Variants in PDS5B observed in about 807,000 individuals in gnomAD.
The protein encoded by PDS5B is PDS5 cohesin associated factor B, also known as sister chromatid cohesion protein PDS5 homolog B.
PDS5B carries 51 observed loss-of-function variants against 184.1 expected under a neutral mutation model. That is an observed-to-expected ratio of 0.28 (90% CI 0.22 to 0.35). The LOEUF (loss-of-function observed/expected upper bound fraction) is 0.35. Among genes scored for constraint, PDS5B ranks in the 10% least tolerant of loss-of-function variants. The probability of loss-of-function intolerance (pLI) is 1.00; values close to 1 mark genes in which losing one functional copy is unlikely to be tolerated. For synonymous variants in PDS5B, 566 were observed against 569.2 expected, an observed-to-expected ratio of 0.99 and a Z score of 0.08; for missense variants, 1,180 against 1,723.3, an observed-to-expected ratio of 0.68 and a Z score of 5.58.
chr13:32,741,114 C>A lies in PDS5B; in HGVS notation c.2441C>A (p.Pro814Gln). 2 of 1,579,618 alleles carry A rather than the reference C, an allele frequency of 1.3e-6. No individual in the cohort carries two copies. The highest frequency in any genetic ancestry group is 1.7e-6 in the Non-Finnish European group (2 of 1,154,252). ...AAAAAGACAACTAAACTTTGGGTTCCAGATGAAGAAGTATCTCCTGAGACA... is the reference window on the plus strand; with the variant it reads ...AAAAAGACAACTAAACTTTGGGTTCAAGATGAAGAAGTATCTCCTGAGACA... ...PGKKTTKLWV[P>Q]DEEVSPETMV... The change falls in exon 22 of 35, where the codon CCA becomes CAA. Residue 814 changes from proline (P) to glutamine (Q), a missense_variant. Physicochemically the swap from Pro to Gln is moderately conservative, Grantham distance 76. Coordinates refer to ENST00000315596, the MANE Select transcript of PDS5B (RefSeq NM_015032.4).
intron 1 of PDS5B, among the ~76,000 whole-genome samples, chr13:32,639,170 T>C (rs1372913918): frequency 1.3e-5 from 2 of 152,102 alleles, no homozygotes; most frequent in Non-Finnish European, 2.9e-5. Flanking sequence ...GAACACTTTC[T>C]GTGCGGTTAG....
At chr13:32,637,577 T>G (rs901016802) in intron 1 of PDS5B, among the ~76,000 whole-genome samples, 12 of 152,086 alleles carry the variant, frequency 7.9e-5, no homozygotes, top group African/African-American at 2.9e-4. Flanking sequence ...AAAAGAAAGC[T>G]TAGGGCAAAA....
At chr13:32,722,162 C>G (rs1312608645) in intron 19 of PDS5B, among the ~76,000 whole-genome samples, 1 of 152,222 alleles carries the variant, frequency 6.6e-6, no homozygotes, top group Non-Finnish European at 1.5e-5. Context: ...GGAGACCAGC[C>G]CAGCCAACAC....
rs769008060 is a variant in PDS5B, at chr13:32,746,079, G to C, written c.2715G>C (p.Gln905His). 1 of 1,613,428 alleles carries C rather than the reference G, an allele frequency of 6.2e-7. No homozygotes were observed. Among genetic ancestry groups the C allele is most frequent in the African/African-American group, 1.3e-5 (1 of 74,914 alleles). Reference sequence around the variant, plus strand: ...AAATCATCACATTAGAACAATATCAGCTATGTGCATTAGCTATCAACGTAA... The same window carrying C: ...AAATCATCACATTAGAACAATATCACCTATGTGCATTAGCTATCAACGTAA... The part of the protein sequence containing the change: ...YHEIITLEQY[Q>H]LCALAINDEC... The change falls in exon 24 of 35, where the codon CAG becomes CAC. Residue 905 changes from glutamine (Q) to histidine (H), a missense_variant. By Grantham distance (24) the Gln-to-His change is conservative (BLOSUM62 0). This residue lies in a region of PDS5B where 40 missense variants were observed against 107.2 expected (regional missense o/e 0.37). Coordinates refer to ENST00000315596, the MANE Select transcript of PDS5B (RefSeq NM_015032.4).
chr13:32,699,911 T>G, intron 16 of PDS5B, 42 bp downstream of exon 16: 1 of 1,499,106 alleles, frequency 6.7e-7, no homozygotes, highest in South Asian at 1.4e-5. Context: ...AGCCCCCAAA[T>G]CTTCTTTATT....
chr13:32,775,873 CTACT>C lies in PDS5B; in HGVS notation c.*822_*825del. 1 of 290,240 alleles carries C rather than the reference CTACT, an allele frequency of 3.4e-6. No individual in the cohort carries two copies. The highest frequency in any genetic ancestry group is 3.1e-5 in the South Asian group (1 of 31,784). 18.0% of individuals were successfully genotyped at this position (290,240 alleles called of 1,614,324 possible). A position where few individuals can be genotyped will look rare whatever the true frequency, so the allele number is the denominator to read the frequency against. On this transcript the variant is annotated 3_prime_UTR_variant, in exon 35 of 35. Coordinates refer to ENST00000315596, the MANE Select transcript of PDS5B (RefSeq NM_015032.4). Reference sequence around the variant, plus strand: ...TATCATCCTTTCAGTTTTTATTAATCTACTGTATCAATAAAATTCTGTAATTTGA... The same window carrying C: ...TATCATCCTTTCAGTTTTTATTAATCGTATCAATAAAATTCTGTAATTTGA...
intron 1 of PDS5B, among the ~76,000 whole-genome samples, chr13:32,627,582 T>C (rs2058389006): frequency 6.6e-6 from 1 of 152,150 alleles, no homozygotes; most frequent in African/African-American, 2.4e-5. Context: ...TGCAGTTCTT[T>C]CCATTGTGAT....
At chr13:32,763,968 A>G (rs1428602937) in intron 30 of PDS5B, among the ~76,000 whole-genome samples, 1 of 152,198 alleles carries the variant, frequency 6.6e-6, no homozygotes, top group Non-Finnish European at 1.5e-5. Context: ...GGACCTTTAT[A>G]TGAATGCCAA....
intron 26 of PDS5B, among the ~76,000 whole-genome samples, chr13:32,756,325 C>G (rs767461318): frequency 1.5e-4 from 23 of 152,110 alleles, no homozygotes; most frequent in Admixed American, 6.5e-4. Flanking sequence ...ATGTAGTAAG[C>G]ACATTTTTCT....
chr13:32,753,610 TATG>T lies in PDS5B; in HGVS notation c.2941+77_2941+79del, dbSNP rs1194016406. 5 of 912,586 alleles carry T rather than the reference TATG, an allele frequency of 5.5e-6. No homozygotes were observed. In the African/African-American group the frequency reaches 6.7e-5, roughly 12 times the overall value. 56.5% of individuals were successfully genotyped at this position (912,586 alleles called of 1,614,324 possible). A position where few individuals can be genotyped will look rare whatever the true frequency, so the allele number is the denominator to read the frequency against. On this transcript the variant is annotated intron_variant, in intron 25 of 34. Transcript: ENST00000315596. The stretch of plus-strand genomic sequence containing the variant: ...CAGTTTTATAGAATATAGCATGATA[TATG>T]ATATTACTGTTATTTATTATTTGTG...
chr13:32,614,945 TC>T (rs2058196293), intron 1 of PDS5B, among the ~76,000 whole-genome samples: 2 of 152,344 alleles, frequency 1.3e-5, no homozygotes, highest in East Asian at 3.9e-4. Flanking sequence ...GTTGAGTTTG[TC>T]CCTTTTGTAA....
chr13:32,706,327 A>T (rs1331689705), intron 17 of PDS5B, among the ~76,000 whole-genome samples: 1 of 144,832 alleles, frequency 6.9e-6, no homozygotes, highest in Non-Finnish European at 1.5e-5. Flanking sequence ...AATAAATAAA[A>T]TAACATAAGC....
intron 2 of PDS5B, chr13:32,650,670 A>G (rs1950346193): frequency 6.6e-6 from 1 of 152,208 alleles, no homozygotes; most frequent in Non-Finnish European, 1.5e-5. Context: ...CAGACATCAT[A>G]CCCTTAATCT....
intron 1 of PDS5B, among the ~76,000 whole-genome samples, chr13:32,609,986 A>G (rs2058117019): frequency 6.6e-6 from 1 of 152,220 alleles, no homozygotes; most frequent in Admixed American, 6.5e-5. Flanking sequence ...TGGAGGCAGG[A>G]AAGAGATGAT....
chr13:32,601,194 A>G (rs1332704325), intron 1 of PDS5B, among the ~76,000 whole-genome samples: 1 of 152,136 alleles, frequency 6.6e-6, no homozygotes, highest in Non-Finnish European at 1.5e-5. Flanking sequence ...CTCTGTTTTC[A>G]AGTCATTCTT....
At chr13:32,672,367 G>GT (rs1440753156) in intron 7 of PDS5B, among the ~76,000 whole-genome samples, 1 of 152,018 alleles carries the variant, frequency 6.6e-6, no homozygotes, top group Non-Finnish European at 1.5e-5. Flanking sequence ...CCAATATTGA[G>GT]TGAGTGTATG....
At chr13:32,726,592 G>A (rs1167446891) in intron 19 of PDS5B, among the ~76,000 whole-genome samples, 2 of 152,198 alleles carry the variant, frequency 1.3e-5, no homozygotes, top group Non-Finnish European at 2.9e-5. Flanking sequence ...AGTAGACGAT[G>A]TTGTTATGAA....
At chr13:32,725,326 T>C (rs1017782576) in intron 19 of PDS5B, among the ~76,000 whole-genome samples, 2 of 152,206 alleles carry the variant, frequency 1.3e-5, no homozygotes, top group East Asian at 1.9e-4. Flanking sequence ...ATCACATGCA[T>C]TGATGCCCAG....
Position 32,764,135 on chromosome 13 carries a change from G to GA in PDS5B, c.3519-348dup, listed in dbSNP as rs1425148309. Among the ~76,000 whole-genome samples the GA allele has an allele frequency of 1.3e-4, 19 of 151,982 alleles. No individual in the cohort carries two copies. The East Asian group carries it at 3.7e-3, about 29-fold the overall frequency. Reference sequence around the variant, plus strand: ...AGGGTGTTAAATGCTACAGAGAGAAGAAAAAATAGAATAGGGTAAGGAACC... The same window carrying GA: ...AGGGTGTTAAATGCTACAGAGAGAAGAAAAAAATAGAATAGGGTAAGGAACC... On this transcript the variant is annotated intron_variant, in intron 30 of 34. Transcript: ENST00000315596.
Sources: allele counts gnomAD v4.1 joint callset (sites outside exome capture counted in the v4.1 genomes callset), GRCh38; gene constraint gnomAD v4.1.1; regional missense constraint gnomAD v4.1.1; transcripts MANE v1.5; gene names NCBI Gene and HGNC (gene_info 2026-07-23, HGNC 2026-07-21).